Variants in TTC1 observed in about 807,000 individuals in gnomAD.
TTC1 encodes tetratricopeptide repeat domain 1.
A neutral mutation model predicts 37.6 loss-of-function variants in TTC1; 31 were observed. That is an observed-to-expected ratio of 0.82 (90% confidence interval 0.62 to 1.11). The LOEUF is 1.11. Ranked by LOEUF, TTC1 falls within the 50% of genes most tolerant of loss-of-function variation. The probability of loss-of-function intolerance (pLI) is 0.00; values close to 1 mark genes in which losing one functional copy is unlikely to be tolerated. For missense variants in TTC1, 351 were observed against 339.0 expected (o/e 1.04, Z -0.28); for synonymous variants, 127 against 122.4 (o/e 1.04, Z -0.25).
intron 3 of TTC1, among the ~76,000 whole-genome samples, chr5:160,035,870 T>G (rs180915484): frequency 6.6e-6 from 1 of 152,262 alleles, no homozygotes; most frequent in East Asian, 1.9e-4. Context: ...TGTTAACATT[T>G]TCCGCTAGTT....
intron 4 of TTC1, among the ~76,000 whole-genome samples, chr5:160,037,502 GA>G (rs1245330940): frequency 6.6e-6 from 1 of 152,190 alleles, no homozygotes; most frequent in African/African-American, 2.4e-5. Context: ...CATCACCTGA[GA>G]TCAGGAGTTC....
In TTC1 at chr5:160,045,893, C is replaced by T. The variant is rs528766740; in HGVS notation, c.541+2724C>T. ...GAATAGCTGGGACTACGGGCGCATGCCACCATGCCCGGCTAATTTTTGTAT... is the reference window on the plus strand; with the variant it reads ...GAATAGCTGGGACTACGGGCGCATGTCACCATGCCCGGCTAATTTTTGTAT... On this transcript the variant is annotated intron_variant, in intron 5 of 7. Transcript: ENST00000231238. 4.6e-5 allele frequency among the ~76,000 whole-genome samples: 7 copies of T among 152,204 alleles called. 1 individual carries two copies. In the South Asian group the frequency reaches 1.5e-3, roughly 32 times the overall value.
intron 4 of TTC1, among the ~76,000 whole-genome samples, chr5:160,042,663 AC>A (rs1353350605): frequency 6.6e-6 from 1 of 152,216 alleles, no homozygotes; most frequent in Non-Finnish European, 1.5e-5. Context: ...AAGGTTTATA[AC>A]TGAGACTACA....
chr5:160,048,013 A>AT (rs1180666538), intron 5 of TTC1, among the ~76,000 whole-genome samples: 1 of 152,126 alleles, frequency 6.6e-6, no homozygotes, highest in Admixed American at 6.6e-5. Context: ...GCCCAGAGAC[A>AT]TACTACATTG....
In TTC1 at chr5:160,055,647, C is replaced by T. The variant is rs560563535; in HGVS notation, c.745+4464C>T. ...TGGAGCTCAGCAATCTAAGTTTTAA[C>T]CTCTCAAGTGTTTCTGATGCACACT... On this transcript the variant is annotated intron_variant, in intron 7 of 7. Coordinates refer to ENST00000231238, the MANE Select transcript of TTC1 (RefSeq NM_003314.3). Among the ~76,000 whole-genome samples, 22 of 152,332 alleles carry T rather than the reference C, an allele frequency of 1.4e-4. No homozygotes were observed. The South Asian group carries it at 4.3e-3, about 30-fold the overall frequency.
chr5:160,065,122 C>A lies in TTC1; in HGVS notation c.*57C>A. 6.3e-7 allele frequency: 1 copy of A among 1,586,178 alleles called. No homozygotes were observed. The highest frequency in any genetic ancestry group is 8.5e-7 in the Non-Finnish European group (1 of 1,170,722). The stretch of plus-strand genomic sequence containing the variant: ...GGAATTGTGTGCTGCTTGCTGTTAG[C>A]TAGGGGAAAGGCCCTGCCAATGTTT... On this transcript the variant is annotated 3_prime_UTR_variant, in exon 8 of 8. Coordinates refer to ENST00000231238, the MANE Select transcript of TTC1 (RefSeq NM_003314.3).
chr5:160,011,313 T>C (rs555039462), intron 2 of TTC1, among the ~76,000 whole-genome samples: 1 of 152,322 alleles, frequency 6.6e-6, no homozygotes, highest in South Asian at 2.1e-4. Flanking sequence ...TTGGTGGGGT[T>C]TTGGTTGCAG....
chr5:160,019,473 C>T (rs563046692), intron 2 of TTC1, among the ~76,000 whole-genome samples: 41 of 151,840 alleles, frequency 2.7e-4, no homozygotes, highest in Non-Finnish European at 1.0e-4. Context: ...GGAATACTCT[C>T]GATTGCTTCC....
intron 2 of TTC1, among the ~76,000 whole-genome samples, chr5:160,029,249 G>A (rs1361280756): frequency 6.6e-6 from 1 of 152,028 alleles, no homozygotes; most frequent in Non-Finnish European, 1.5e-5. Context: ...TATTTCCTGG[G>A]TTTCTTCACT....
At chr5:160,028,950 A>G (rs1430844491) in intron 2 of TTC1, among the ~76,000 whole-genome samples, 1 of 152,250 alleles carries the variant, frequency 6.6e-6, no homozygotes. Context: ...ACAAGTTAAC[A>G]TAACAATCAT....
At chr5:160,058,586 AT>A (rs756552316) in intron 7 of TTC1, among the ~76,000 whole-genome samples, 14 of 151,180 alleles carry the variant, frequency 9.3e-5, no homozygotes, top group Non-Finnish European at 1.9e-4. Context: ...AATTTTTTGT[AT>A]TTTTTAGTAG....
At chr5:160,021,799 G>T (rs1756714551) in intron 2 of TTC1, among the ~76,000 whole-genome samples, 1 of 151,950 alleles carries the variant, frequency 6.6e-6, no homozygotes. Context: ...TCCAGTATTT[G>T]CATTCCAAGT....
chr5:160,019,588 T>TA (rs1307454893), intron 2 of TTC1, among the ~76,000 whole-genome samples: 2 of 135,084 alleles, frequency 1.5e-5, no homozygotes, highest in Admixed American at 7.6e-5. Flanking sequence ...TTCTTTTTTT[T>TA]TTTTTTTTTT....
In TTC1 at chr5:160,036,778, A is replaced by G; in HGVS notation, c.479A>G (p.Asn160Ser). The part of the protein sequence containing the change: ...FQKERSILFS[N>S]RAAARMKQDK... Reference sequence around the variant, plus strand: ...AAGGAGAGGTCGATTCTATTTTCAAATAGAGCTGCAGCAAGGATGAAACAG... The same window carrying G: ...AAGGAGAGGTCGATTCTATTTTCAAGTAGAGCTGCAGCAAGGATGAAACAG... Residue 160 changes from asparagine (N) to serine (S), a missense_variant, in exon 4 of 8, where the codon AAT becomes AGT. Asn to Ser is a conservative substitution (Grantham distance 46). Transcript: ENST00000231238. 2 of 1,613,744 alleles carry G rather than the reference A, an allele frequency of 1.2e-6. No homozygotes were observed. The highest frequency in any genetic ancestry group is 1.7e-6 in the Non-Finnish European group (2 of 1,179,826).
chr5:160,027,014 G>A (rs554118292), intron 2 of TTC1, among the ~76,000 whole-genome samples: 16 of 150,790 alleles, frequency 1.1e-4, no homozygotes, highest in African/African-American at 3.2e-4. Flanking sequence ...TTAGTTTTTC[G>A]GGATTCTTTT....
intron 5 of TTC1, among the ~76,000 whole-genome samples, chr5:160,046,400 T>C (rs1026439528): frequency 3.3e-5 from 5 of 152,160 alleles, no homozygotes; most frequent in Admixed American, 6.6e-5. Flanking sequence ...TCATTGGCTA[T>C]TCCTTCTTAT....
At chr5:160,030,416 T>G (rs949694939) in intron 2 of TTC1, among the ~76,000 whole-genome samples, 3 of 152,238 alleles carry the variant, frequency 2.0e-5, no homozygotes, top group Non-Finnish European at 4.4e-5. Flanking sequence ...AAGAGATTTC[T>G]GAATCTTGAT....
Position 160,065,133 on chromosome 5 carries a change from G to C in TTC1, c.*68G>C. 1 of 1,572,442 alleles carries C rather than the reference G, an allele frequency of 6.4e-7. No homozygotes were observed. ...CTGCTTGCTGTTAGCTAGGGGAAAGGCCCTGCCAATGTTTAACTTTTAAAA... is the reference window on the plus strand; with the variant it reads ...CTGCTTGCTGTTAGCTAGGGGAAAGCCCCTGCCAATGTTTAACTTTTAAAA... On this transcript the variant is annotated 3_prime_UTR_variant, in exon 8 of 8. Coordinates refer to ENST00000231238, the MANE Select transcript of TTC1 (RefSeq NM_003314.3).
intron 2 of TTC1, among the ~76,000 whole-genome samples, chr5:160,027,885 CTT>C (rs1323811234): frequency 6.6e-6 from 1 of 152,106 alleles, no homozygotes; most frequent in African/African-American, 2.4e-5. Flanking sequence ...TTCTCTTTGT[CTT>C]TTTCTCTCAC....
Sources: gnomAD v4.1 joint callset for allele counts (sites outside exome capture counted in the v4.1 genomes callset) on GRCh38, gnomAD v4.1.1 for gene constraint, MANE v1.5 for transcripts, NCBI Gene and HGNC (gene_info 2026-07-23, HGNC 2026-07-21) for gene names.